The following VPS13B variants were observed in gnomAD, a reference collection of about 807,000 sequenced individuals.
VPS13B encodes the protein vacuolar protein sorting 13 homolog B, also known as intermembrane lipid transfer protein VPS13B.
Under a neutral mutation model 426.4 loss-of-function variants are expected in VPS13B, and 285 were observed. The ratio of observed to expected loss-of-function variants is 0.67; its 90% CI spans 0.61 to 0.74. The LOEUF is 0.74. VPS13B is among the 30% of genes least tolerant of loss of function. VPS13B has a pLI of 0.00. For missense variants in VPS13B, 4,537 were observed against 4,782.6 expected (o/e 0.95, Z 1.51); for synonymous variants, 1,676 against 1,676.4 (o/e 1.00, Z 0.01).
intron 19 of VPS13B, among the ~76,000 whole-genome samples, chr8:99,336,701 A>G (rs1810895508): frequency 1.3e-5 from 2 of 152,236 alleles, no homozygotes; most frequent in African/African-American, 4.8e-5. Context: ...AAGTGGGTGA[A>G]GGATATGAAC....
At chr8:99,061,140 C>G (rs894794664) in intron 3 of VPS13B, among the ~76,000 whole-genome samples, 6 of 152,062 alleles carry the variant, frequency 3.9e-5, no homozygotes, top group African/African-American at 1.4e-4. Context: ...AATGTGTTAT[C>G]TGGCATTAAA....
At chr8:99,200,519 T>C (rs976555667) in intron 17 of VPS13B, among the ~76,000 whole-genome samples, 6 of 152,176 alleles carry the variant, frequency 3.9e-5, no homozygotes, top group African/African-American at 1.4e-4. Flanking sequence ...GTACTTTCCA[T>C]TGGCAATGTG....
In VPS13B at chr8:99,456,056, C is replaced by G. The variant is rs961867054; in HGVS notation, c.3446-11358C>G. Among the ~76,000 whole-genome samples the G allele has an allele frequency of 2.6e-4, 39 of 152,054 alleles. 1 individual carries two copies. ...CAAATCACTTTCTAAGTGGTTATAC[C>G]GTTTTACATTCTTGTGATCGATTTG... On this transcript the variant is annotated intron_variant, in intron 23 of 61. Transcript: ENST00000357162.
chr8:99,476,423 T>C (rs1030619525), intron 24 of VPS13B, among the ~76,000 whole-genome samples: 4 of 145,410 alleles, frequency 2.8e-5, no homozygotes, highest in East Asian at 2.1e-4. Context: ...TTTTTTTTTT[T>C]CCATATGCAG....
At chr8:99,320,635 C>T (rs900720049) in intron 19 of VPS13B, among the ~76,000 whole-genome samples, 28 of 152,034 alleles carry the variant, frequency 1.8e-4, no homozygotes, top group African/African-American at 2.2e-4. Flanking sequence ...TGTAAATTGT[C>T]GTTTATTTGG....
At chr8:99,369,965 T>G (rs1813091788) in intron 19 of VPS13B, among the ~76,000 whole-genome samples, 2 of 152,220 alleles carry the variant, frequency 1.3e-5, no homozygotes, top group African/African-American at 2.4e-5. Flanking sequence ...TCATTAGTAA[T>G]CACAGTGTGT....
intron 3 of VPS13B, among the ~76,000 whole-genome samples, chr8:99,069,489 G>T: frequency 6.6e-6 from 1 of 152,174 alleles, no homozygotes; most frequent in East Asian, 1.9e-4. Flanking sequence ...AATGACGTTT[G>T]TCAATTATTA....
At chr8:99,183,941 C>T (rs1813079446) in intron 16 of VPS13B, among the ~76,000 whole-genome samples, 1 of 152,156 alleles carries the variant, frequency 6.6e-6, no homozygotes, top group Admixed American at 6.5e-5. Flanking sequence ...TGTAGATTTA[C>T]TTTCTGTATC....
chr8:99,052,958 T>C (rs1843640466), intron 3 of VPS13B, among the ~76,000 whole-genome samples: 1 of 152,008 alleles, frequency 6.6e-6, no homozygotes, highest in Non-Finnish European at 1.5e-5. Flanking sequence ...GTCTATCAAT[T>C]TTGTTGATCT....
chr8:99,061,945 A>G (rs1349582175), intron 3 of VPS13B, among the ~76,000 whole-genome samples: 1 of 152,220 alleles, frequency 6.6e-6, no homozygotes, highest in Non-Finnish European at 1.5e-5. Flanking sequence ...TAAGGAGTGA[A>G]TCTTGTTTGG....
intron 23 of VPS13B, among the ~76,000 whole-genome samples, chr8:99,446,449 C>T (rs1188425876): frequency 6.6e-6 from 1 of 151,906 alleles, no homozygotes; most frequent in Non-Finnish European, 1.5e-5. Flanking sequence ...TTTTAATATT[C>T]GAATCTTATG....
chr8:99,429,400 C>G (rs1313910110), intron 21 of VPS13B, among the ~76,000 whole-genome samples: 1 of 150,486 alleles, frequency 6.6e-6, no homozygotes, highest in Non-Finnish European at 1.5e-5. Flanking sequence ...AAATAAGTTA[C>G]TAGCCAAATA....
chr8:99,750,935 A>C (rs1002424303), intron 39 of VPS13B, among the ~76,000 whole-genome samples: 2 of 152,052 alleles, frequency 1.3e-5, no homozygotes, highest in African/African-American at 4.8e-5. Context: ...GATGACAGCT[A>C]AAGGTCTATG....
In VPS13B at chr8:99,778,781, G is replaced by A. The variant is rs146092684; in HGVS notation, c.7529G>A (p.Arg2510Gln). 28 of 1,613,734 alleles carry A rather than the reference G, an allele frequency of 1.7e-5. No individual in the cohort carries two copies. The highest frequency in any genetic ancestry group is 5.3e-5 in the African/African-American group (4 of 74,870). The stretch of plus-strand genomic sequence containing the variant: ...TTCAGAGAACCACACATGTATCTTC[G>A]ACAGTGGAATAATGGTTCTGTCTGT... ...VSFREPHMYL[R>Q]QWNNGSVCQE... Residue 2510 changes from arginine to glutamine, a missense_variant, in exon 42 of 62, where the codon CGA (arginine) becomes CAA (glutamine). Around this residue, in one of 2 missense-constraint regions of VPS13B, gnomAD observed 4,311 missense variants for 4,474.3 expected, o/e 0.96. Transcript: ENST00000357162.
chr8:99,589,823 C>A (rs1489227948), intron 33 of VPS13B, among the ~76,000 whole-genome samples: 1 of 152,054 alleles, frequency 6.6e-6, no homozygotes, highest in East Asian at 1.9e-4. Flanking sequence ...CTCTGCCAGG[C>A]TTTGGTATCA....
chr8:99,517,665 T>C (rs1246497475), intron 29 of VPS13B, among the ~76,000 whole-genome samples: 2 of 152,186 alleles, frequency 1.3e-5, no homozygotes, highest in Non-Finnish European at 2.9e-5. Context: ...TCACAATAGA[T>C]GACTTTTAAA....
At chr8:99,460,299 T>C (rs1438412158) in intron 23 of VPS13B, among the ~76,000 whole-genome samples, 1 of 152,142 alleles carries the variant, frequency 6.6e-6, no homozygotes, top group East Asian at 1.9e-4. Context: ...TGATTTGAAT[T>C]TACATTCTAC....
intron 22 of VPS13B, among the ~76,000 whole-genome samples, chr8:99,436,307 C>A (rs1817371991): frequency 1.3e-5 from 2 of 152,048 alleles, no homozygotes; most frequent in South Asian, 4.1e-4. Context: ...GTTGCAGTAC[C>A]TTTTAGCTTC....
intron 2 of VPS13B, among the ~76,000 whole-genome samples, chr8:99,034,391 C>T (rs1182361736): frequency 6.7e-6 from 1 of 148,156 alleles, no homozygotes; most frequent in Non-Finnish European, 1.5e-5. Flanking sequence ...GTAATACTTT[C>T]AAAGTCAGGA....
Sources: gnomAD v4.1 joint callset for allele counts (sites outside exome capture counted in the v4.1 genomes callset) on GRCh38, gnomAD v4.1.1 for gene constraint, gnomAD v4.1.1 regional missense constraint, MANE v1.5 for transcripts, NCBI Gene and HGNC (gene_info 2026-07-23, HGNC 2026-07-21) for gene names.